PTPRD: variants seen among roughly 807,000 people sequenced by gnomAD.
PTPRD encodes protein tyrosine phosphatase receptor type D.
Under a neutral mutation model 214.5 loss-of-function variants are expected in PTPRD, and 34 were observed. The observed-to-expected ratio is 0.16, with a 90% confidence interval of 0.12 to 0.21. The LOEUF is 0.21. Ranked by LOEUF, PTPRD falls within the 10% of genes least tolerant of loss-of-function variation. The pLI is 1.00. For synonymous variants in PTPRD, 1,128 were observed against 845.7 expected, an observed-to-expected ratio of 1.33 and a Z score of -5.79; for missense variants, 2,545 against 2,398.7, an observed-to-expected ratio of 1.06 and a Z score of -1.27.
At chr9:10,316,129 A>G (rs1285042699) in intron 3 of PTPRD, among the ~76,000 whole-genome samples, 1 of 147,468 alleles carries the variant, frequency 6.8e-6, no homozygotes, top group Non-Finnish European at 1.5e-5. Context: ...ATATATATAT[A>G]CATATATACA....
At chr9:9,107,476 T>C (rs1337807835) in intron 10 of PTPRD, among the ~76,000 whole-genome samples, 1 of 152,172 alleles carries the variant, frequency 6.6e-6, no homozygotes, top group Non-Finnish European at 1.5e-5. Context: ...GACTCTACTA[T>C]TGAAACTTTT....
chr9:9,550,391 A>C (rs145924257), intron 8 of PTPRD, among the ~76,000 whole-genome samples: 2,461 of 147,418 alleles, frequency 0.017, 37 homozygotes, highest in Admixed American at 0.026. Flanking sequence ...TTCTCTCTCT[A>C]TATATATGAA....
At chr9:8,419,866 G>C (rs910568154) in intron 35 of PTPRD, among the ~76,000 whole-genome samples, 1 of 151,950 alleles carries the variant, frequency 6.6e-6, no homozygotes, top group Non-Finnish European at 1.5e-5. Context: ...TTTCCCTACA[G>C]CGGGTCCAAA....
At chr9:8,650,049 C>T (rs768205603) in intron 12 of PTPRD, among the ~76,000 whole-genome samples, 10 of 152,032 alleles carry the variant, frequency 6.6e-5, no homozygotes, top group African/African-American at 9.7e-5. Flanking sequence ...TCCCGAGCAG[C>T]GAGGACTATG....
At chr9:9,792,717 G>C (rs1172441006) in intron 5 of PTPRD, among the ~76,000 whole-genome samples, 8 of 152,098 alleles carry the variant, frequency 5.3e-5, no homozygotes, top group Non-Finnish European at 7.4e-5. Context: ...TTGAAAATCA[G>C]AATGCAAATG....
Position 10,144,227 on chromosome 9 carries a change from G to A in PTPRD, c.-544-110437C>T, listed in dbSNP as rs745840407. 5.3e-5 allele frequency among the ~76,000 whole-genome samples: 8 copies of A among 152,114 alleles called. No individual in the cohort carries two copies. In the South Asian group the frequency reaches 8.3e-4, roughly 16 times the overall value. On this transcript the variant is annotated intron_variant, in intron 3 of 45. Transcript: ENST00000381196. ...CAATGTTTAACACAATTAGATCAGT[G>A]CAGTCATTATAAACTATTTCAAAAA...
At chr9:10,134,393 G>C (rs896709519) in intron 3 of PTPRD, among the ~76,000 whole-genome samples, 2 of 152,020 alleles carry the variant, frequency 1.3e-5, no homozygotes, top group Non-Finnish European at 2.9e-5. Flanking sequence ...ATCTATCCCC[G>C]GCTGACCACC....
At chr9:8,475,698 C>T (rs79108584) in intron 30 of PTPRD, among the ~76,000 whole-genome samples, 1 of 152,160 alleles carries the variant, frequency 6.6e-6, no homozygotes, top group Non-Finnish European at 1.5e-5. Context: ...AAGCCAGAAA[C>T]CTAGGTGTTA....
intron 10 of PTPRD, among the ~76,000 whole-genome samples, chr9:9,179,589 G>C (rs1396690289): frequency 6.6e-6 from 1 of 152,040 alleles, no homozygotes; most frequent in African/African-American, 2.4e-5. Flanking sequence ...AGCATCTATG[G>C]TTTCAATGTT....
chr9:10,567,927 A>AT (rs1006371104), intron 2 of PTPRD, among the ~76,000 whole-genome samples: 1 of 150,278 alleles, frequency 6.7e-6, no homozygotes, highest in African/African-American at 2.4e-5. Flanking sequence ...TTTATTTTTT[A>AT]TTTTTTTATT....
chr9:10,227,036 G>A (rs1276149140), intron 3 of PTPRD, among the ~76,000 whole-genome samples: 2 of 152,038 alleles, frequency 1.3e-5, no homozygotes, highest in East Asian at 1.9e-4. Flanking sequence ...TCAACAAATA[G>A]GTGATGACAA....
intron 9 of PTPRD, among the ~76,000 whole-genome samples, chr9:9,243,151 C>T (rs925767787): frequency 1.3e-5 from 2 of 152,040 alleles, no homozygotes; most frequent in Non-Finnish European, 2.9e-5. Flanking sequence ...GGCTGCAGAA[C>T]AGCAAATATT....
At chr9:8,437,285 C>G in intron 34 of PTPRD, 2 of 1,319,948 alleles carry the variant, frequency 1.5e-6, no homozygotes, top group Non-Finnish European at 2.0e-6. Context: ...AGAACAAATT[C>G]TTCAAAAAAA....
At chr9:10,305,066 C>A (rs2096011718) in intron 3 of PTPRD, among the ~76,000 whole-genome samples, 1 of 151,966 alleles carries the variant, frequency 6.6e-6, no homozygotes, top group Non-Finnish European at 1.5e-5. Context: ...TATATACACC[C>A]ATGGAACAGA....
At chr9:8,681,866 A>G (rs2097556364) in intron 12 of PTPRD, among the ~76,000 whole-genome samples, 2 of 152,184 alleles carry the variant, frequency 1.3e-5, no homozygotes, top group African/African-American at 2.4e-5. Context: ...AATACATAAT[A>G]TCTACTGTTT....
Position 10,039,365 on chromosome 9 carries a change from A to G in PTPRD, c.-544-5575T>C, listed in dbSNP as rs546078239. ...CCCTATAGCCAATTATTTGAATGCT[A>G]TGTCAAAATAAAGTTTTGAGGAAAA... On this transcript the variant is annotated intron_variant, in intron 3 of 45. Transcript: ENST00000381196. 2.6e-5 allele frequency among the ~76,000 whole-genome samples: 4 copies of G among 152,202 alleles called. No homozygotes were observed. In the South Asian group the frequency reaches 8.3e-4, roughly 32 times the overall value.
At chr9:8,377,331 G>A (rs1237120527) in intron 37 of PTPRD, among the ~76,000 whole-genome samples, 1 of 151,926 alleles carries the variant, frequency 6.6e-6, no homozygotes, top group Non-Finnish European at 1.5e-5. Context: ...GTCTCAGAGG[G>A]TCACACACTA....
chr9:10,449,319 A>G (rs956603908), intron 2 of PTPRD, among the ~76,000 whole-genome samples: 2 of 151,908 alleles, frequency 1.3e-5, no homozygotes, highest in African/African-American at 2.4e-5. Flanking sequence ...GGGATTGCAG[A>G]CGGAGTCTCG....
At chr9:9,590,330 A>G (rs2154326461) in intron 7 of PTPRD, among the ~76,000 whole-genome samples, 1 of 152,158 alleles carries the variant, frequency 6.6e-6, no homozygotes, top group East Asian at 1.9e-4. Context: ...AGTGCTTAAA[A>G]GAGAGCTTAA....
Sources: gnomAD v4.1 joint callset for allele counts (sites outside exome capture counted in the v4.1 genomes callset) on GRCh38, gnomAD v4.1.1 for gene constraint, MANE v1.5 for transcripts, NCBI Gene and HGNC (gene_info 2026-07-23, HGNC 2026-07-21) for gene names.